BBX: variants seen among roughly 807,000 people sequenced by gnomAD.
BBX encodes BBX high mobility group box domain containing.
In BBX, 30 loss-of-function variants were observed where a neutral mutation model predicts 100.2. That is an observed-to-expected ratio of 0.30 (90% confidence interval 0.22 to 0.41). The LOEUF (loss-of-function observed/expected upper bound fraction) is 0.41. Among genes scored for constraint, BBX ranks in the 10% least tolerant of loss-of-function variants. The probability of loss-of-function intolerance (pLI) is 1.00; values close to 1 mark genes in which losing one functional copy is unlikely to be tolerated. For synonymous variants in BBX, 376 were observed against 388.1 expected, an observed-to-expected ratio of 0.97 and a Z score of 0.37; for missense variants, 1,023 against 1,129.8, an observed-to-expected ratio of 0.91 and a Z score of 1.35.
At chr3:107,798,123 G>A (rs1190671347) in intron 15 of BBX, among the ~76,000 whole-genome samples, 1 of 152,144 alleles carries the variant, frequency 6.6e-6, no homozygotes, top group Admixed American at 6.5e-5. Context: ...AGTGTCCTCT[G>A]AAGAAATTTC....
chr3:107,669,111 G>A (rs1402467454), intron 3 of BBX, among the ~76,000 whole-genome samples: 1 of 152,098 alleles, frequency 6.6e-6, no homozygotes. Context: ...CGATGATGAT[G>A]ATGATGATGA....
rs1270027732 is a variant in BBX, at chr3:107,766,043, AG to A, written c.907-6584del. 3.3e-5 allele frequency among the ~76,000 whole-genome samples: 5 copies of A among 152,304 alleles called. No homozygotes were observed. The East Asian group carries it at 9.6e-4, about 29-fold the overall frequency. ...CTCAGAAGAAGATGCTTAAAAGGAG[AG>A]TGCTTTAGAAGGAAAATGCTTTAAA... On this transcript the variant is annotated intron_variant, in intron 10 of 17. Coordinates refer to ENST00000325805, the MANE Select transcript of BBX (RefSeq NM_001142568.3).
At chr3:107,622,601 A>G (rs9844507) in intron 2 of BBX, among the ~76,000 whole-genome samples, 19,107 of 152,174 alleles carry the variant, frequency 0.13, 1,442 homozygotes, top group Middle Eastern at 0.19. Flanking sequence ...GAGAATTTTT[A>G]TAAAGCCTCT....
At chr3:107,543,703 A>G (rs550994128) in intron 2 of BBX, among the ~76,000 whole-genome samples, 9 of 152,350 alleles carry the variant, frequency 5.9e-5, no homozygotes, top group African/African-American at 2.2e-4. Context: ...GTCTGATTTT[A>G]GGAAAAACCA....
rs187838136 is a variant in BBX, at chr3:107,660,812, C to T, written c.-10+14903C>T. 3.9e-5 allele frequency among the ~76,000 whole-genome samples: 6 copies of T among 152,224 alleles called. No individual in the cohort carries two copies. The East Asian group carries it at 5.8e-4, about 15-fold the overall frequency. ...TAAGTGCCCCTCAAAAGAGAATACT[C>T]GTGCATACAAAGAGCAATACATTTT... On this transcript the variant is annotated intron_variant, in intron 3 of 17. Transcript: ENST00000325805.
intron 1 of BBX, 142 bp from the exon 2 acceptor site, chr3:107,526,185 G>C: frequency 2.5e-6 from 1 of 396,392 alleles, no homozygotes; most frequent in Non-Finnish European, 4.4e-6. Flanking sequence ...GTGTCGGGGG[G>C]TGGTAGAGAA....
At chr3:107,582,865 C>A (rs1222319693) in intron 2 of BBX, among the ~76,000 whole-genome samples, 1 of 151,882 alleles carries the variant, frequency 6.6e-6, no homozygotes, top group East Asian at 1.9e-4. Flanking sequence ...AACTCAAAAT[C>A]ATCTTTGTTG....
chr3:107,730,227 G>C (rs1040309321), intron 6 of BBX, among the ~76,000 whole-genome samples: 4 of 152,182 alleles, frequency 2.6e-5, no homozygotes, highest in African/African-American at 9.6e-5. Context: ...ATCAGACATA[G>C]TTATTTGTCC....
Position 107,662,371 on chromosome 3 carries a change from C to T in BBX, c.-10+16462C>T, listed in dbSNP as rs553616698. Among the ~76,000 whole-genome samples, 6 of 152,080 alleles carry T rather than the reference C, an allele frequency of 3.9e-5. No individual in the cohort carries two copies. In the East Asian group the frequency reaches 1.2e-3, roughly 29 times the overall value. Reference sequence around the variant, plus strand: ...GGTGGCGGGTAATGAAATGAAAGTGCTAAGTTTCAGTCTCCCAACAGCTAA... The same window carrying T: ...GGTGGCGGGTAATGAAATGAAAGTGTTAAGTTTCAGTCTCCCAACAGCTAA... On this transcript the variant is annotated intron_variant, in intron 3 of 17. Coordinates refer to ENST00000325805, the MANE Select transcript of BBX (RefSeq NM_001142568.3).
chr3:107,672,280 T>C (rs2059058182), intron 3 of BBX, among the ~76,000 whole-genome samples: 1 of 152,012 alleles, frequency 6.6e-6, no homozygotes. Context: ...TATCTTCAAA[T>C]CACAATCTAC....
At chr3:107,772,297 G>A (rs917123248) in intron 10 of BBX, among the ~76,000 whole-genome samples, 7 of 152,138 alleles carry the variant, frequency 4.6e-5, no homozygotes, top group Non-Finnish European at 7.4e-5. Flanking sequence ...AAGTTAATAA[G>A]TAGCAAAACT....
intron 17 of BBX, among the ~76,000 whole-genome samples, chr3:107,802,834 G>C (rs1477357474): frequency 6.6e-6 from 1 of 152,132 alleles, no homozygotes; most frequent in Non-Finnish European, 1.5e-5. Flanking sequence ...GATACGCCAA[G>C]CTCTTGCCTT....
intron 3 of BBX, among the ~76,000 whole-genome samples, chr3:107,664,007 G>A (rs776905791): frequency 4.6e-5 from 7 of 152,046 alleles, no homozygotes; most frequent in South Asian, 2.1e-4. Context: ...AGGTTTCACC[G>A]TGTTAGCCAG....
chr3:107,554,387 T>A (rs1277855618), intron 2 of BBX, among the ~76,000 whole-genome samples: 1 of 152,242 alleles, frequency 6.6e-6, no homozygotes, highest in Non-Finnish European at 1.5e-5. Context: ...AATAGACTGA[T>A]GTCATTTCAC....
chr3:107,542,206 A>G (rs1178663085), intron 2 of BBX, among the ~76,000 whole-genome samples: 2 of 152,208 alleles, frequency 1.3e-5, no homozygotes, highest in Non-Finnish European at 2.9e-5. Flanking sequence ...TCTAGTCATT[A>G]TTATACTGTG....
At chr3:107,592,876 G>T (rs556644854) in intron 2 of BBX, among the ~76,000 whole-genome samples, 1 of 152,130 alleles carries the variant, frequency 6.6e-6, no homozygotes, top group East Asian at 1.9e-4. Context: ...GTTTTTTTAA[G>T]ATCAAGGTCA....
chr3:107,547,576 C>T (rs9857190), intron 2 of BBX, among the ~76,000 whole-genome samples: 1 of 151,940 alleles, frequency 6.6e-6, no homozygotes, highest in Non-Finnish European at 1.5e-5. Flanking sequence ...TTTGTTCTAC[C>T]CTTCAATAAA....
chr3:107,598,389 T>G (rs2053813140), intron 2 of BBX, among the ~76,000 whole-genome samples: 1 of 152,236 alleles, frequency 6.6e-6, no homozygotes, highest in South Asian at 2.1e-4. Context: ...ACACTTGAAC[T>G]ACCTGTAGCT....
chr3:107,739,768 C>T (rs1016083477), intron 7 of BBX, among the ~76,000 whole-genome samples: 1 of 152,126 alleles, frequency 6.6e-6, no homozygotes, highest in African/African-American at 2.4e-5. Context: ...TTGATGTACA[C>T]TGTTGCATTT....
Sources: gnomAD v4.1 joint callset for allele counts (sites outside exome capture counted in the v4.1 genomes callset) on GRCh38, gnomAD v4.1.1 for gene constraint, MANE v1.5 for transcripts, NCBI Gene and HGNC (gene_info 2026-07-23, HGNC 2026-07-21) for gene names.